The following ODAM variants were observed in gnomAD, a reference collection of about 807,000 sequenced individuals.
ODAM encodes the protein odontogenic ameloblast-associated protein.
A neutral mutation model predicts 48.5 loss-of-function variants in ODAM; 55 were observed. The ratio of observed to expected loss-of-function variants is 1.13; its 90% CI spans 0.91 to 1.42. The LOEUF is 1.42. ODAM is among the 40% of genes most tolerant of loss of function. The pLI is 0.00. For synonymous variants in ODAM, 127 were observed against 107.8 expected, an observed-to-expected ratio of 1.18 and a Z score of -1.10; for missense variants, 353 against 323.6, an observed-to-expected ratio of 1.09 and a Z score of -0.70.
At chr4:70,198,720 TA>T (rs1332084218) in intron 6 of ODAM, 94 bp downstream of exon 6, 20 of 930,604 alleles carry the variant, frequency 2.1e-5, no homozygotes, top group Non-Finnish European at 3.4e-5. Context: ...AGCAGGGCTA[TA>T]AAAACCTATA....
chr4:70,199,546 A>G (rs372120579), intron 6 of ODAM, among the ~76,000 whole-genome samples: 1 of 152,052 alleles, frequency 6.6e-6, no homozygotes, highest in African/African-American at 2.4e-5. Context: ...GAGTTGGAAT[A>G]TAATTCTCCA....
intron 1 of ODAM, among the ~76,000 whole-genome samples, 153 bp downstream of exon 1, chr4:70,195,946 T>C (rs1479375153): frequency 1.3e-5 from 2 of 152,012 alleles, no homozygotes; most frequent in African/African-American, 2.4e-5. Flanking sequence ...AGAAATATAC[T>C]TAAACAGGTT....
Position 70,195,906 on chromosome 4 carries a change from G to T in ODAM, c.-16+113G>T, listed in dbSNP as rs116631644. The T allele has an allele frequency of 5.1e-3, 1,309 of 256,792 alleles. 25 individuals carry two copies. The highest frequency in any genetic ancestry group is 0.029 in the African/African-American group (1,253 of 43,352). 15.9% of individuals were successfully genotyped at this position (256,792 alleles called of 1,614,324 possible). A position where few individuals can be genotyped will look rare whatever the true frequency, so the allele number is the denominator to read the frequency against. ...TTGATTAGGTCAATGATTTGAAGCA[G>T]GGAAAAAAGTTTCACATCTAGAAGA... On this transcript the variant is annotated intron_variant, in intron 1 of 11. Transcript: ENST00000683306.
Position 70,202,315 on chromosome 4 carries a change from G to A in ODAM, c.634G>A (p.Glu212Lys). ...AFDPQLGTAP[E>K]IAVMSTGEEI... ...TGATCCCCAACTAGGCACAGCTCCT[G>A]AAATTGCTGTGATGGTAAGATTCCT... Residue 212 changes from glutamate to lysine, a missense_variant, in exon 9 of 12, where the codon GAA becomes AAA. Transcript: ENST00000683306. The A allele has an allele frequency of 6.2e-7, 1 of 1,611,268 alleles. No homozygotes were observed.
intron 7 of ODAM, 74 bp downstream of exon 7, chr4:70,200,675 A>G: frequency 1.0e-6 from 1 of 978,168 alleles, no homozygotes; most frequent in Non-Finnish European, 1.5e-6. Flanking sequence ...TTACCATAGA[A>G]AAAAAGTTTC....
At chr4:70,202,359 A>G (rs756558129) in intron 9 of ODAM, 30 bp downstream of exon 9, 2 of 1,543,254 alleles carry the variant, frequency 1.3e-6, no homozygotes, top group Non-Finnish European at 1.8e-6. Context: ...TTTGCCAGCT[A>G]CTGGAAATCA....
chr4:70,202,037 G>C (rs1729504842), intron 8 of ODAM, among the ~76,000 whole-genome samples: 1 of 151,854 alleles, frequency 6.6e-6, no homozygotes, highest in South Asian at 2.1e-4. Flanking sequence ...TAAGTACCTG[G>C]TCCTAGTAGA....
chr4:70,202,177 T>C (rs965668294), intron 8 of ODAM, 81 bp from the exon 9 acceptor site: 3 of 925,728 alleles, frequency 3.2e-6, no homozygotes, highest in Admixed American at 3.6e-5. Flanking sequence ...AGTGTTTTAC[T>C]ACTCTGGTAC....
At chr4:70,203,697 G>C (rs1729557517) in intron 11 of ODAM, among the ~76,000 whole-genome samples, 1 of 151,888 alleles carries the variant, frequency 6.6e-6, no homozygotes, top group South Asian at 2.1e-4. Flanking sequence ...TAATCAGCTT[G>C]GTTGGCTATG....
intron 11 of ODAM, among the ~76,000 whole-genome samples, 170 bp from the exon 12 acceptor site, chr4:70,204,005 T>C (rs1729563495): frequency 6.6e-6 from 1 of 152,094 alleles, no homozygotes; most frequent in Admixed American, 6.6e-5. Flanking sequence ...AGTTATTCAG[T>C]AAGAAATACT....
rs546330205 is a variant in ODAM at position 70,202,232 on chromosome 4, C to G, written c.577-26C>G. 2.7e-4 allele frequency: 433 copies of G among 1,592,798 alleles called. 5 individuals are homozygous for G. In the South Asian group the frequency reaches 4.5e-3, roughly 17 times the overall value. On this transcript the variant is annotated intron_variant, in intron 8 of 11. Transcript: ENST00000683306. ...TATTTTCAACGATCACTGATTTAGA[C>G]TTTTTAAAACTTTTTGTGTTTTTAG...
In ODAM at chr4:70,200,625, TCC is replaced by T. The variant is rs746077331; in HGVS notation, c.528+25_528+26del. 33 of 1,404,922 alleles carry T rather than the reference TCC, an allele frequency of 2.3e-5. No individual in the cohort carries two copies. The Admixed American group carries it at 5.9e-4, about 25-fold the overall frequency. 87.0% of individuals were successfully genotyped at this position (1,404,922 alleles called of 1,614,324 possible). The stretch of plus-strand genomic sequence containing the variant: ...AGGTACTGCAAATGTTTTATTTTAA[TCC>T]TACTAGTTCCACTTGAAAATAGAGA... On this transcript the variant is annotated intron_variant, in intron 7 of 11. Transcript: ENST00000683306.
Position 70,202,829 on chromosome 4 carries a change from T to G in ODAM, c.722T>G (p.Met241Arg), listed in dbSNP as rs1729533209. The change falls in exon 10 of 12, where the codon ATG becomes AGG. Residue 241 changes from methionine to arginine, a missense_variant. Physicochemically the swap from Met to Arg is moderately conservative, Grantham distance 91 (BLOSUM62 -1). Transcript: ENST00000683306. ...AGACATGACAGTGCAGGAGTTTTCA[T>G]GCCCTCAACTTCACCAAAACCCAGC... ...NFRHDSAGVF[M>R]PSTSPKPSTT... 1 of 1,612,266 alleles carries G rather than the reference T, an allele frequency of 6.2e-7. No individual in the cohort carries two copies. The highest frequency in any genetic ancestry group is 1.7e-5 in the Admixed American group (1 of 59,770).
chr4:70,198,079 T>C lies in ODAM; in HGVS notation c.297T>C (p.Phe99=), dbSNP rs980308293. The part of the protein sequence containing the change: ...NQIPLTGEAS[F]AQGAQAGQVD... ...TACCCTTAACAGGAGAGGCCAGTTTTGCCCAAGGAGCCCAGGCAGGCCAAG... is the reference window on the plus strand; with the variant it reads ...TACCCTTAACAGGAGAGGCCAGTTTCGCCCAAGGAGCCCAGGCAGGCCAAG... Residue 99 remains phenylalanine (F), a synonymous_variant, in exon 5 of 12, where the codon TTT becomes TTC. Transcript: ENST00000683306. 1.9e-6 allele frequency: 3 copies of C among 1,613,262 alleles called. No individual in the cohort carries two copies. The highest frequency in any genetic ancestry group is 1.7e-6 in the Non-Finnish European group (2 of 1,179,568).
At chr4:70,203,478 A>G (rs1413868802) in intron 11 of ODAM, among the ~76,000 whole-genome samples, 2 of 151,930 alleles carry the variant, frequency 1.3e-5, no homozygotes, top group African/African-American at 4.8e-5. Context: ...GTCCATTGTA[A>G]AAGACATTCT....
rs771029447 is a variant in ODAM at position 70,202,349 on chromosome 4, T to C, written c.648+20T>C. The C allele has an allele frequency of 1.9e-6, 3 of 1,589,204 alleles. No homozygotes were observed. Among genetic ancestry groups the C allele is most frequent in the Non-Finnish European group, 2.6e-6 (3 of 1,158,212 alleles). On this transcript the variant is annotated intron_variant, in intron 9 of 11. Transcript: ENST00000683306. Reference sequence around the variant, plus strand: ...GTGATGGTAAGATTCCTTACAACACTTTGCCAGCTACTGGAAATCAACAAT... The same window carrying C: ...GTGATGGTAAGATTCCTTACAACACCTTGCCAGCTACTGGAAATCAACAAT...
intron 1 of ODAM, 119 bp downstream of exon 1, chr4:70,195,912 A>G: frequency 4.9e-6 from 1 of 203,184 alleles, no homozygotes; most frequent in Non-Finnish European, 8.7e-6. Context: ...AGCAGGGAAA[A>G]AAGTTTCACA....
At chr4:70,203,123 AAC>A in intron 10 of ODAM, 31 bp from the exon 11 acceptor site, 1 of 1,541,444 alleles carries the variant, frequency 6.5e-7, no homozygotes, top group South Asian at 1.1e-5. Context: ...TCAATTTAAT[AAC>A]AGTTTCTTAT....
chr4:70,196,822 G>A, intron 3 of ODAM, 89 bp downstream of exon 3: 1 of 1,016,030 alleles, frequency 9.8e-7, no homozygotes, highest in Non-Finnish European at 1.5e-6. Context: ...TTTATACTGT[G>A]TTCCTCACCA....
Sources: allele counts gnomAD v4.1 joint callset (sites outside exome capture counted in the v4.1 genomes callset), GRCh38; gene constraint gnomAD v4.1.1; transcripts MANE v1.5; gene names NCBI Gene and HGNC (gene_info 2026-07-23, HGNC 2026-07-21).